Variants in ZBTB37 observed in about 807,000 individuals in gnomAD.
The protein encoded by ZBTB37 is zinc finger and BTB domain-containing protein 37.
ZBTB37 carries 15 observed loss-of-function variants against 37.7 expected under a neutral mutation model. The observed-to-expected ratio is 0.40, with a 90% CI of 0.27 to 0.61. The LOEUF (loss-of-function observed/expected upper bound fraction) is 0.61, where lower values mean the gene tolerates loss of function less well. ZBTB37 is among the 20% of genes least tolerant of loss of function. The pLI is 0.44. For synonymous variants in ZBTB37, 231 were observed against 220.6 expected, an observed-to-expected ratio of 1.05 and a Z score of -0.42; for missense variants, 514 against 641.9, an observed-to-expected ratio of 0.80 and a Z score of 2.15.
chr1:173,870,668 G>T (rs1412994096), exon 3 of ZBTB37: 1 of 1,614,068 alleles, frequency 6.2e-7, no homozygotes, highest in Non-Finnish European at 8.5e-7. Flanking sequence ...CATCAAGAGA[G>T]ACCTCCAGAG....
chr1:173,870,245 T>TA lies in ZBTB37; in HGVS notation c.21dup (p.Gln8ThrfsTer6). 1 of 1,612,622 alleles carries TA rather than the reference T, an allele frequency of 6.2e-7. No individual in the cohort carries two copies. Among genetic ancestry groups the TA allele is most frequent in the Non-Finnish European group, 8.5e-7 (1 of 1,178,750 alleles). Reference sequence around the variant, plus strand: ...ACGACCATGGAGAAAGGTGGGAACATACAATTGGAGATTCCTGACTTCAGC... The same window carrying TA: ...ACGACCATGGAGAAAGGTGGGAACATAACAATTGGAGATTCCTGACTTCAGC... On this transcript the variant is annotated frameshift_variant, in exon 3 of 5. Transcript: ENST00000427304. LOFTEE classifies it high-confidence loss of function.
At position 173,876,379 on chromosome 1, in the gene ZBTB37, G is replaced by A. The variant is rs1008532438; in HGVS notation, c.1023+2813G>A. Among the ~76,000 whole-genome samples, 12 of 151,866 alleles carry A rather than the reference G, an allele frequency of 7.9e-5. No homozygotes were observed. The East Asian group carries it at 9.6e-4, about 12-fold the overall frequency. ...GTCATCCAGGCTGGAGTGCAGTGGC[G>A]CAGCCTTGGCTCACTGCAACCTCCA... is the stretch of plus-strand genomic sequence containing the variant. On this transcript the variant is annotated intron_variant, in intron 4 of 4. Coordinates refer to ENST00000427304, the Ensembl canonical transcript of ZBTB37.
chr1:173,878,943 T>A (rs1557887135), intron 4 of ZBTB37, among the ~76,000 whole-genome samples: 1 of 151,792 alleles, frequency 6.6e-6, no homozygotes, highest in Non-Finnish European at 1.5e-5. Context: ...ACAAAAACAT[T>A]AGCCAGGCAT....
exon 4 of ZBTB37, chr1:173,896,620 A>T (rs1034621649): frequency 2.0e-5 from 3 of 152,248 alleles, no homozygotes; most frequent in African/African-American, 7.2e-5. Context: ...CCAAATATTT[A>T]TTCTTTATTT....
At chr1:173,890,207 A>T (rs1346655936), downstream of ZBTB37, 2 of 152,132 alleles carry the variant, frequency 1.3e-5, no homozygotes, top group African/African-American at 4.8e-5. Flanking sequence ...TCAAGAAGTA[A>T]CTTTTCCAGA....
chr1:173,880,447 CTG>C (rs1642631363), intron 4 of ZBTB37, among the ~76,000 whole-genome samples: 1 of 152,142 alleles, frequency 6.6e-6, no homozygotes, highest in Admixed American at 6.5e-5. Context: ...AGAATCTAGA[CTG>C]ATGTTTGTTT....
chr1:173,873,370 T>G, intron 3 of ZBTB37, 97 bp from the exon 4 acceptor site: 1 of 1,304,280 alleles, frequency 7.7e-7, no homozygotes, highest in South Asian at 1.7e-5. Flanking sequence ...TTGTTCCCCC[T>G]TCCTCAGCCA....
chr1:173,886,391 T>A (rs1400251743), exon 5 of ZBTB37: 1 of 468,714 alleles, frequency 2.1e-6, no homozygotes, highest in African/African-American at 2.0e-5. Flanking sequence ...GTTAACTTTA[T>A]AAGAAAAAAG....
intron 4 of ZBTB37, 178 bp downstream of exon 4, chr1:173,873,744 T>A: frequency 9.0e-7 from 1 of 1,115,774 alleles, no homozygotes; most frequent in Non-Finnish European, 1.2e-6. Context: ...TACAGAGACA[T>A]CACCAGAAAG....
At chr1:173,892,690 T>C (rs1303928245) in exon 4 of ZBTB37, 1 of 152,210 alleles carries the variant, frequency 6.6e-6, no homozygotes, top group Admixed American at 6.5e-5. Context: ...ATAAATTTTC[T>C]TACCTGACAT....
chr1:173,891,904 C>CT (rs1450375659), exon 4 of ZBTB37: 3 of 152,182 alleles, frequency 2.0e-5, no homozygotes, highest in African/African-American at 7.2e-5. Flanking sequence ...GTTGTGAGCG[C>CT]TGTCAACATA....
downstream of ZBTB37, chr1:173,887,820 C>T (rs554685710): frequency 2.0e-5 from 3 of 152,284 alleles, no homozygotes; most frequent in African/African-American, 7.2e-5. Flanking sequence ...GGTGAACCAT[C>T]TGTGAGAATG....
intron 4 of ZBTB37, among the ~76,000 whole-genome samples, chr1:173,879,185 T>C (rs1390636543): frequency 6.6e-6 from 1 of 152,118 alleles, no homozygotes; most frequent in Non-Finnish European, 1.5e-5. Flanking sequence ...CTCTCTACTT[T>C]AGGATTAAAG....
chr1:173,894,142 A>G (rs1656955245), exon 4 of ZBTB37: 1 of 152,242 alleles, frequency 6.6e-6, no homozygotes, highest in South Asian at 2.1e-4. Flanking sequence ...GATATTGCCC[A>G]CTGATTCAAG....
intron 4 of ZBTB37, among the ~76,000 whole-genome samples, chr1:173,879,587 A>G (rs987788772): frequency 7.9e-5 from 12 of 152,176 alleles, no homozygotes; most frequent in Admixed American, 3.9e-4. Context: ...CCTTCTGTCA[A>G]AGATGTTTTG....
At chr1:173,880,848 G>C (rs1438587749) in intron 4 of ZBTB37, among the ~76,000 whole-genome samples, 1 of 152,130 alleles carries the variant, frequency 6.6e-6, no homozygotes, top group East Asian at 1.9e-4. Flanking sequence ...TGTGATGTTT[G>C]TGCTCACAGT....
At chr1:173,870,921 G>T (rs78057812) in exon 3 of ZBTB37, 9 of 1,614,228 alleles carry the variant, frequency 5.6e-6, no homozygotes, top group African/African-American at 2.7e-5. Context: ...GTGGGGGTCG[G>T]AGTGATGATG....
chr1:173,879,267 T>C (rs1264711350), intron 4 of ZBTB37, among the ~76,000 whole-genome samples: 2 of 151,976 alleles, frequency 1.3e-5, no homozygotes, highest in African/African-American at 2.4e-5. Flanking sequence ...TCAAGAAAAA[T>C]GGTCTTGACT....
At chr1:173,869,225 C>T (rs1238316594) in intron 2 of ZBTB37, 105 bp downstream of exon 2, 2 of 152,228 alleles carry the variant, frequency 1.3e-5, no homozygotes, top group African/African-American at 4.8e-5. Flanking sequence ...AGAGTAAGTT[C>T]CTGAAGTTTC....
Sources: allele counts gnomAD v4.1 joint callset (sites outside exome capture counted in the v4.1 genomes callset), GRCh38; gene constraint gnomAD v4.1.1; transcripts MANE v1.5; gene names NCBI Gene and HGNC (gene_info 2026-07-23, HGNC 2026-07-21).